The following LRRC37A2 variants were observed in gnomAD, a reference collection of about 807,000 sequenced individuals.
The protein encoded by LRRC37A2 is leucine rich repeat containing 37 member A2.
LRRC37A2 carries 9 observed loss-of-function variants against 68.8 expected under a neutral mutation model. The observed-to-expected ratio is 0.13, with a 90% CI of 0.08 to 0.23. The LOEUF is 0.23. Among genes scored for constraint, LRRC37A2 ranks in the 10% least tolerant of loss-of-function variants. The pLI is 1.00. For synonymous variants in LRRC37A2, 63 were observed against 367.6 expected (o/e 0.17, Z 9.48); for missense variants, 168 against 950.4 (o/e 0.18, Z 10.82).
chr17:46,900,220 C>T, the LRRC37A2 span, among the ~76,000 whole-genome samples: 47 of 122,130 alleles, frequency 3.8e-4, no homozygotes, highest in Admixed American at 9.6e-4. Context: ...CACACACACA[C>T]ATATATATAT....
the LRRC37A2 span, chr17:46,768,282 C>CA: frequency 6.2e-7 from 1 of 1,612,250 alleles, no homozygotes; most frequent in Non-Finnish European, 8.5e-7. This position sits in a 1 kb window ranked among gnomAD's most constrained non-coding sequence, Gnocchi z 5.0. Flanking sequence ...CCCAGGCTCC[C>CA]AGCCTCCCCC....
the LRRC37A2 span, among the ~76,000 whole-genome samples, chr17:46,986,883 G>C: frequency 6.6e-6 from 1 of 152,162 alleles, no homozygotes; most frequent in Non-Finnish European, 1.5e-5. Flanking sequence ...GATCAGACTG[G>C]AAGGGCAGGA....
the LRRC37A2 span, among the ~76,000 whole-genome samples, chr17:46,748,817 A>G: frequency 6.6e-6 from 1 of 152,242 alleles, no homozygotes; most frequent in African/African-American, 2.4e-5. Context: ...TAAACTAAGC[A>G]AAGGGGAAAA....
At chr17:46,944,408 C>T in the LRRC37A2 span, among the ~76,000 whole-genome samples, 20 of 152,276 alleles carry the variant, frequency 1.3e-4, no homozygotes, top group Middle Eastern at 3.4e-3. Flanking sequence ...ACCTGTCCCA[C>T]GTCCCTTTCT....
At chr17:46,805,319 T>G in the LRRC37A2 span, among the ~76,000 whole-genome samples, 1 of 151,926 alleles carries the variant, frequency 6.6e-6, no homozygotes, top group Non-Finnish European at 1.5e-5. Flanking sequence ...ACGCCTGTAA[T>G]CCCAGCATTT....
the LRRC37A2 span, among the ~76,000 whole-genome samples, chr17:46,806,371 G>A: frequency 6.6e-5 from 10 of 151,838 alleles, no homozygotes; most frequent in Admixed American, 3.3e-4. Context: ...CACCACGCCC[G>A]GCTAATTTTG....
chr17:46,864,943 G>C, the LRRC37A2 span, among the ~76,000 whole-genome samples: 1 of 152,206 alleles, frequency 6.6e-6, no homozygotes, highest in Non-Finnish European at 1.5e-5. Context: ...GGTTTCTCCA[G>C]CTCTAACGTA....
chr17:46,995,128 C>T, the LRRC37A2 span, among the ~76,000 whole-genome samples: 258 of 152,190 alleles, frequency 1.7e-3, no homozygotes, highest in African/African-American at 6.1e-3. Flanking sequence ...CCCCCCACTC[C>T]CCCAAACAAT....
the LRRC37A2 span, among the ~76,000 whole-genome samples, chr17:46,825,273 T>TG: frequency 6.6e-6 from 1 of 152,132 alleles, no homozygotes; most frequent in Non-Finnish European, 1.5e-5. Context: ...CACTCCCCTG[T>TG]GTATGGGACA....
chr17:46,847,486 G>A, the LRRC37A2 span, among the ~76,000 whole-genome samples: 54 of 152,314 alleles, frequency 3.5e-4, no homozygotes, highest in African/African-American at 1.3e-3. Context: ...GGCTAGGACT[G>A]ATGGGAGTGG....
the LRRC37A2 span, among the ~76,000 whole-genome samples, chr17:46,675,669 T>G: frequency 7.3e-6 from 1 of 136,104 alleles, no homozygotes. Context: ...CACACGAACA[T>G]TCTATTGGTT....
the LRRC37A2 span, among the ~76,000 whole-genome samples, chr17:46,790,121 AT>A: frequency 1.3e-5 from 2 of 151,718 alleles, no homozygotes. Flanking sequence ...GAGCCTCAAC[AT>A]TTTCCTCTGC....
chr17:46,804,304 T>C, the LRRC37A2 span, among the ~76,000 whole-genome samples: 12 of 152,096 alleles, frequency 7.9e-5, no homozygotes, highest in African/African-American at 2.7e-4. Flanking sequence ...GCCAGGCTGG[T>C]TCGAACTCCT....
chr17:46,704,842 T>G, the LRRC37A2 span: 1 of 1,600,620 alleles, frequency 6.2e-7, no homozygotes, highest in South Asian at 1.1e-5. Context: ...CTTTGGAGAA[T>G]GATATCAAAC....
the LRRC37A2 span, among the ~76,000 whole-genome samples, chr17:46,951,999 G>A: frequency 6.6e-6 from 1 of 152,100 alleles, no homozygotes; most frequent in African/African-American, 2.4e-5. Context: ...GGCTATATTT[G>A]GTTCCTGCAA....
chr17:47,015,802 C>T, the LRRC37A2 span, among the ~76,000 whole-genome samples: 3 of 151,940 alleles, frequency 2.0e-5, no homozygotes, highest in Admixed American at 6.6e-5. Flanking sequence ...TTAAATAAAA[C>T]CCACCAAGGA....
At chr17:46,911,464 G>A in the LRRC37A2 span, 1 of 152,190 alleles carries the variant, frequency 6.6e-6, no homozygotes, top group Non-Finnish European at 1.5e-5. Context: ...TGATCCAACT[G>A]GTGCTTACAT....
At chr17:46,975,432 C>T in the LRRC37A2 span, 1 of 152,398 alleles carries the variant, frequency 6.6e-6, no homozygotes, top group Non-Finnish European at 1.5e-5. Flanking sequence ...TCTGCTCTGT[C>T]TGGCTCTGCC....
the LRRC37A2 span, among the ~76,000 whole-genome samples, chr17:46,837,604 C>T: frequency 6.6e-6 from 1 of 152,136 alleles, no homozygotes; most frequent in Non-Finnish European, 1.5e-5. Flanking sequence ...CTAATAAACG[C>T]TAGAGGTGGG....
Sources: allele counts gnomAD v4.1 joint callset (sites outside exome capture counted in the v4.1 genomes callset), GRCh38; gene constraint gnomAD v4.1.1; non-coding constraint Gnocchi (gnomAD v3.1); transcripts MANE v1.5; gene names NCBI Gene and HGNC (gene_info 2026-07-23, HGNC 2026-07-21).